GALNT13: variants seen among roughly 807,000 people sequenced by gnomAD.
The protein encoded by GALNT13 is polypeptide N-acetylgalactosaminyltransferase 13, also known as UDP-GalNAc:polypeptide N-acetylgalactosaminyltransferase 13.
GALNT13 carries 28 observed loss-of-function variants against 64.2 expected under a neutral mutation model. The observed-to-expected ratio is 0.44, with a 90% CI of 0.32 to 0.60. The LOEUF is 0.60. Among genes scored for constraint, GALNT13 ranks in the 20% least tolerant of loss-of-function variants. GALNT13 has a pLI of 0.05. For missense variants in GALNT13, 577 were observed against 669.8 expected, an observed-to-expected ratio of 0.86 and a Z score of 1.53; for synonymous variants, 214 against 224.6, an observed-to-expected ratio of 0.95 and a Z score of 0.42.
the GALNT13 span, among the ~76,000 whole-genome samples, chr2:153,346,664 C>G: frequency 1.3e-5 from 2 of 152,128 alleles, no homozygotes; most frequent in African/African-American, 4.8e-5. Flanking sequence ...CTGAGATACA[C>G]TAAATTACAA....
chr2:154,225,137 T>C (rs796288965), intron 4 of GALNT13, among the ~76,000 whole-genome samples: 15 of 130,340 alleles, frequency 1.2e-4, no homozygotes, highest in African/African-American at 2.9e-4. Flanking sequence ...GATAGATAGA[T>C]AGATAGATGA....
intron 4 of GALNT13, among the ~76,000 whole-genome samples, chr2:154,215,594 C>T (rs1052724437): frequency 5.3e-5 from 8 of 152,150 alleles, no homozygotes; most frequent in African/African-American, 1.7e-4. Flanking sequence ...CTCCTTTACT[C>T]ATCAGGTTTT....
chr2:153,414,399 A>T, the GALNT13 span, among the ~76,000 whole-genome samples: 4 of 138,082 alleles, frequency 2.9e-5, no homozygotes, highest in Non-Finnish European at 4.6e-5. Flanking sequence ...AAAAAAAATA[A>T]AATAAAAAGT....
At chr2:153,831,032 T>A in the GALNT13 span, among the ~76,000 whole-genome samples, 1 of 152,194 alleles carries the variant, frequency 6.6e-6, no homozygotes, top group South Asian at 2.1e-4. Flanking sequence ...TGGTTGAAAA[T>A]TATTTTACAA....
At chr2:153,717,119 C>A in the GALNT13 span, among the ~76,000 whole-genome samples, 1 of 152,082 alleles carries the variant, frequency 6.6e-6, no homozygotes. Flanking sequence ...GCTTCCTTGC[C>A]TGGGTGGCAG....
chr2:154,106,081 G>A (rs1702599709), intron 3 of GALNT13, among the ~76,000 whole-genome samples: 1 of 152,124 alleles, frequency 6.6e-6, no homozygotes, highest in Admixed American at 6.6e-5. Flanking sequence ...ATTTTGGGTA[G>A]ATGTCCTTTG....
chr2:153,778,431 C>T, the GALNT13 span, among the ~76,000 whole-genome samples: 2 of 152,148 alleles, frequency 1.3e-5, no homozygotes, highest in Non-Finnish European at 2.9e-5. Flanking sequence ...TTCCCTTCAC[C>T]CCTTCTCCAT....
At chr2:153,345,155 C>G in the GALNT13 span, among the ~76,000 whole-genome samples, 5 of 152,070 alleles carry the variant, frequency 3.3e-5, no homozygotes, top group Admixed American at 6.5e-5. Context: ...TTCTGTTTTT[C>G]TTGCTTTTTT....
chr2:154,160,275 A>G (rs903556281), intron 4 of GALNT13, among the ~76,000 whole-genome samples: 2 of 152,174 alleles, frequency 1.3e-5, no homozygotes, highest in Admixed American at 6.6e-5. Context: ...ACTTTACTGT[A>G]AAATTCCCAG....
chr2:154,085,783 T>C (rs978484431), intron 3 of GALNT13, among the ~76,000 whole-genome samples: 2 of 152,038 alleles, frequency 1.3e-5, no homozygotes, highest in East Asian at 1.9e-4. Context: ...AAGTACGTTA[T>C]AGGTCAGATA....
chr2:154,351,356 G>A (rs1696386945), intron 9 of GALNT13, among the ~76,000 whole-genome samples: 1 of 151,910 alleles, frequency 6.6e-6, no homozygotes, highest in South Asian at 2.1e-4. Flanking sequence ...GCCGTTGTGA[G>A]CTTCAAGAAC....
At chr2:154,168,660 T>C (rs1437763515) in intron 4 of GALNT13, among the ~76,000 whole-genome samples, 2 of 119,152 alleles carry the variant, frequency 1.7e-5, no homozygotes, top group African/African-American at 6.3e-5. Flanking sequence ...TAGTGAAACC[T>C]CATCTCTACT....
At chr2:153,672,744 T>C in the GALNT13 span, among the ~76,000 whole-genome samples, 7 of 147,628 alleles carry the variant, frequency 4.7e-5, no homozygotes, top group African/African-American at 1.7e-4. Context: ...AAAAAACCCT[T>C]CAAAAAATTA....
At chr2:153,692,767 C>T in the GALNT13 span, among the ~76,000 whole-genome samples, 1 of 152,024 alleles carries the variant, frequency 6.6e-6, no homozygotes, top group African/African-American at 2.4e-5. Context: ...ATATTGAGGG[C>T]ATATATATTA....
chr2:154,453,579 CTA>C lies in GALNT13; in HGVS notation c.*3030_*3031del, dbSNP rs1286390316. ...TTCCCTATCCCCTGTACCTGACAATCTATGAGTTTGCTTCTTTATTTCTGTCT... is the reference window on the plus strand; with the variant it reads ...TTCCCTATCCCCTGTACCTGACAATCTGAGTTTGCTTCTTTATTTCTGTCT... On this transcript the variant is annotated 3_prime_UTR_variant, in exon 13 of 13. Coordinates refer to ENST00000392825, the MANE Select transcript of GALNT13 (RefSeq NM_052917.4). 6.6e-6 allele frequency: 1 copy of C among 152,102 alleles called. No homozygotes were observed. The highest frequency in any genetic ancestry group is 1.5e-5 in the Non-Finnish European group (1 of 68,048). The allele number at this position is 152,102 out of a possible 1,614,324, so 9.4% of individuals were successfully genotyped here. A position where few individuals can be genotyped will look rare whatever the true frequency, so the allele number is the denominator to read the frequency against.
At chr2:153,089,990 T>C in the GALNT13 span, among the ~76,000 whole-genome samples, 2 of 152,208 alleles carry the variant, frequency 1.3e-5, no homozygotes. Context: ...GTATGATCTT[T>C]TGGGGGTGTT....
the GALNT13 span, among the ~76,000 whole-genome samples, chr2:153,590,735 A>T: frequency 6.6e-6 from 1 of 152,180 alleles, no homozygotes; most frequent in East Asian, 1.9e-4. Context: ...AATCATCTCA[A>T]TAGAAGCAAA....
At chr2:154,046,325 T>C (rs953721897) in intron 3 of GALNT13, among the ~76,000 whole-genome samples, 14 of 152,074 alleles carry the variant, frequency 9.2e-5, no homozygotes, top group African/African-American at 3.4e-4. Flanking sequence ...CTTTAAAAAA[T>C]TAAAATTGAA....
chr2:153,524,754 A>C, the GALNT13 span, among the ~76,000 whole-genome samples: 3 of 152,186 alleles, frequency 2.0e-5, no homozygotes, highest in Non-Finnish European at 4.4e-5. Context: ...GAGTTCCTAC[A>C]AGCCTGATCA....
Sources: allele counts gnomAD v4.1 joint callset (sites outside exome capture counted in the v4.1 genomes callset), GRCh38; gene constraint gnomAD v4.1.1; transcripts MANE v1.5; gene names NCBI Gene and HGNC (gene_info 2026-07-23, HGNC 2026-07-21).